MGA: variants seen among roughly 807,000 people sequenced by gnomAD.
The protein encoded by MGA is MAX gene-associated protein.
A neutral mutation model predicts 261.1 loss-of-function variants in MGA; 40 were observed. The observed-to-expected ratio is 0.15, with a 90% CI of 0.12 to 0.20. The LOEUF is 0.20. Ranked by LOEUF, MGA falls within the 10% of genes least tolerant of loss-of-function variation. The pLI is 1.00. For missense variants in MGA, 3,397 were observed against 3,630.5 expected, an observed-to-expected ratio of 0.94 and a Z score of 1.65; for synonymous variants, 1,302 against 1,290.6, an observed-to-expected ratio of 1.01 and a Z score of -0.19.
chr15:41,666,721 A>G (rs1301559243), intron 1 of MGA, among the ~76,000 whole-genome samples: 1 of 152,228 alleles, frequency 6.6e-6, no homozygotes, highest in Non-Finnish European at 1.5e-5. Context: ...GACTGTTAAC[A>G]TTCCACTCTA....
chr15:41,763,475 G>A (rs2063612915), intron 22 of MGA, among the ~76,000 whole-genome samples: 2 of 151,966 alleles, frequency 1.3e-5, no homozygotes, highest in East Asian at 2.0e-4. Flanking sequence ...CGGATGCGGT[G>A]GCTCACGCCT....
chr15:41,762,422 C>T, intron 22 of MGA, 60 bp downstream of exon 22: 4 of 1,079,650 alleles, frequency 3.7e-6, no homozygotes, highest in South Asian at 3.0e-5. Flanking sequence ...CTTTAGTGGA[C>T]TGACCACCTT....
chr15:41,709,587 G>A (rs1161924611), intron 7 of MGA, among the ~76,000 whole-genome samples: 1 of 151,774 alleles, frequency 6.6e-6, no homozygotes, highest in Non-Finnish European at 1.5e-5. Context: ...TGTGACCACA[G>A]GTGTGCGCCA....
At chr15:41,630,857 G>A (rs368006928) in intron 1 of MGA, among the ~76,000 whole-genome samples, 1 of 152,140 alleles carries the variant, frequency 6.6e-6, no homozygotes, top group African/African-American at 2.4e-5. Context: ...CCCCAGGAAT[G>A]TCCTTTAAAT....
At chr15:41,685,882 G>A (rs1464181504) in intron 2 of MGA, among the ~76,000 whole-genome samples, 2 of 151,886 alleles carry the variant, frequency 1.3e-5, no homozygotes, top group African/African-American at 2.4e-5. Flanking sequence ...GCGGGCACCT[G>A]TAGTCCCAGC....
chr15:41,631,496 T>C (rs2056587408), intron 1 of MGA, among the ~76,000 whole-genome samples: 1 of 152,162 alleles, frequency 6.6e-6, no homozygotes, highest in Non-Finnish European at 1.5e-5. Flanking sequence ...AGCGAGACCC[T>C]GTCTCTATGA....
Position 41,742,755 on chromosome 15 carries a change from A to T in MGA, c.4795A>T (p.Thr1599Ser), listed in dbSNP as rs2062190563. ...CAGCCCTGTGACTGCTGCTGTCACT[A>T]CTACCACCCCTCAAGTGTTTTTAGA... The change falls in exon 15 of 24, where the codon ACT (threonine) becomes TCT (serine). Residue 1599 changes from threonine (T) to serine (S), a missense_variant. By Grantham distance (58) the Thr-to-Ser change is moderately conservative. This residue lies in a region of MGA where 1,410 missense variants were observed against 1,386.4 expected (regional missense o/e 1.02). Transcript: ENST00000219905. 1 of 1,613,832 alleles carries T rather than the reference A, an allele frequency of 6.2e-7. No individual in the cohort carries two copies. The highest frequency in any genetic ancestry group is 1.3e-5 in the African/African-American group (1 of 74,912).
At chr15:41,647,949 G>A (rs1199066659) in intron 1 of MGA, among the ~76,000 whole-genome samples, 1 of 152,200 alleles carries the variant, frequency 6.6e-6, no homozygotes, top group East Asian at 1.9e-4. Context: ...GATTCCCTGT[G>A]GTATTCTAAT....
intron 9 of MGA, among the ~76,000 whole-genome samples, chr15:41,725,861 T>A (rs201032903): frequency 0.35 from 3,058 of 8,802 alleles, 1,140 homozygotes; most frequent in East Asian, 0.79. Context: ...AAAAAATAAA[T>A]AAATAAATAA....
At chr15:41,709,815 T>TATTTC (rs1175563471) in intron 7 of MGA, among the ~76,000 whole-genome samples, 1 of 149,960 alleles carries the variant, frequency 6.7e-6, no homozygotes, top group Non-Finnish European at 1.5e-5. Context: ...CTGTTATGTG[T>TATTTC]TTTTCTTTTC....
chr15:41,674,539 A>G (rs1193893520), intron 2 of MGA, among the ~76,000 whole-genome samples: 1 of 150,152 alleles, frequency 6.7e-6, no homozygotes, highest in Non-Finnish European at 1.5e-5. Context: ...TTTTTTTTTT[A>G]GACAGAGTCT....
intron 1 of MGA, among the ~76,000 whole-genome samples, chr15:41,628,499 G>C (rs1479576860): frequency 1.3e-5 from 2 of 151,770 alleles, no homozygotes. Flanking sequence ...AACATAACAC[G>C]ACCTGAATGA....
intron 2 of MGA, among the ~76,000 whole-genome samples, 179 bp from the exon 3 acceptor site, chr15:41,695,896 G>T (rs751664650): frequency 6.6e-6 from 1 of 152,064 alleles, no homozygotes; most frequent in African/African-American, 2.4e-5. Context: ...ATGTGTGTTC[G>T]CTTTACAGGG....
At chr15:41,685,126 A>G (rs1434450234) in intron 2 of MGA, among the ~76,000 whole-genome samples, 1 of 152,174 alleles carries the variant, frequency 6.6e-6, no homozygotes, top group Non-Finnish European at 1.5e-5. Context: ...TCTGTCTTGA[A>G]TTATTAATAA....
chr15:41,635,437 C>T (rs776780844), intron 1 of MGA, among the ~76,000 whole-genome samples: 1 of 151,794 alleles, frequency 6.6e-6, no homozygotes, highest in Non-Finnish European at 1.5e-5. Context: ...AGGCTGGGCG[C>T]GGTGGCTCAC....
In MGA at chr15:41,711,140, T is replaced by G; in HGVS notation, c.2875T>G (p.Leu959Val). The change falls in exon 8 of 24, where the codon TTG becomes GTG. Residue 959 changes from leucine to valine, a missense_variant. Physicochemically the swap from Leu to Val is conservative, Grantham distance 32 (BLOSUM62 1). Transcript: ENST00000219905. ...GGCGAATAACTTTGTTGTGCCAACT[T>G]TGGATGAAAATATATTTCCAAAGCA... 3 of 1,613,970 alleles carry G rather than the reference T, an allele frequency of 1.9e-6. No homozygotes were observed. Among genetic ancestry groups the G allele is most frequent in the Non-Finnish European group, 2.5e-6 (3 of 1,179,888 alleles).
Position 41,768,225 on chromosome 15 carries a change from G to A in MGA, c.*945G>A, listed in dbSNP as rs1300508153. On this transcript the variant is annotated 3_prime_UTR_variant, in exon 24 of 24. Transcript: ENST00000219905. Reference sequence around the variant, plus strand: ...GGTTTCATTCACTATTACCTGCACAGGATGTAAAGAAAAGTCACAGTAGGC... The same window carrying A: ...GGTTTCATTCACTATTACCTGCACAAGATGTAAAGAAAAGTCACAGTAGGC... 6 of 152,588 alleles carry A rather than the reference G, an allele frequency of 3.9e-5. No homozygotes were observed. The highest frequency in any genetic ancestry group is 7.2e-5 in the African/African-American group (3 of 41,410). 9.5% of individuals were successfully genotyped at this position (152,588 alleles called of 1,614,324 possible). A position where few individuals can be genotyped will look rare whatever the true frequency, so the allele number is the denominator to read the frequency against.
chr15:41,718,322 C>A, intron 9 of MGA: 4 of 198,298 alleles, frequency 2.0e-5, no homozygotes, highest in Non-Finnish European at 1.9e-5. Flanking sequence ...TATATATATA[C>A]ATATATATAT....
intron 3 of MGA, among the ~76,000 whole-genome samples, chr15:41,698,324 A>T (rs779924909): frequency 2.0e-5 from 3 of 150,990 alleles, no homozygotes; most frequent in Non-Finnish European, 4.4e-5. Flanking sequence ...GTGCATCACC[A>T]TGCCCAGCTA....
Sources: gnomAD v4.1 joint callset for allele counts (sites outside exome capture counted in the v4.1 genomes callset) on GRCh38, gnomAD v4.1.1 for gene constraint, gnomAD v4.1.1 regional missense constraint, MANE v1.5 for transcripts, NCBI Gene and HGNC (gene_info 2026-07-23, HGNC 2026-07-21) for gene names.